GXYLT2: variants seen among roughly 807,000 people sequenced by gnomAD.
GXYLT2 encodes the protein glycosyltransferase 8 domain containing 4.
GXYLT2 carries 53 observed loss-of-function variants against 45.8 expected under a neutral mutation model. The observed-to-expected ratio is 1.16, with a 90% confidence interval of 0.93 to 1.46. GXYLT2 has a LOEUF of 1.46. GXYLT2 is among the 40% of genes most tolerant of loss of function. GXYLT2 has a pLI of 0.00. For synonymous variants in GXYLT2, 219 were observed against 214.2 expected (o/e 1.02, Z -0.19); for missense variants, 551 against 544.4 (o/e 1.01, Z -0.12).
rs533752688 is a variant in GXYLT2 at position 72,958,438 on chromosome 3, A to G, written c.976+1086A>G. Reference sequence around the variant, plus strand: ...CTTTGCCTGTGTTTGTTTGTATGTCACCCTTGGAACACATATTGTGTACCT... The same window carrying G: ...CTTTGCCTGTGTTTGTTTGTATGTCGCCCTTGGAACACATATTGTGTACCT... On this transcript the variant is annotated intron_variant, in intron 5 of 6. Transcript: ENST00000389617. Among the ~76,000 whole-genome samples the G allele has an allele frequency of 1.4e-4, 22 of 152,044 alleles. No homozygotes were observed. The South Asian group carries it at 3.9e-3, about 27-fold the overall frequency.
intron 3 of GXYLT2, chr3:72,929,280 G>C (rs1473857009): frequency 3.0e-6 from 4 of 1,347,298 alleles, no homozygotes; most frequent in Middle Eastern, 3.8e-4. Flanking sequence ...CGAGGTGGCC[G>C]AATCTTCCTT....
rs2107048936 is a variant in GXYLT2 at position 72,888,307 on chromosome 3, T to C, written c.74T>C (p.Leu25Pro). ...GCGCTGCTGCTGGCGCTGCTGTCCCTGCGCGCTGGCCGCGCTGAGCCCCCA... is the reference window on the plus strand; with the variant it reads ...GCGCTGCTGCTGGCGCTGCTGTCCCCGCGCGCTGGCCGCGCTGAGCCCCCA... Reference protein sequence around the residue: ...LAALLLALLSLRAGRAEPPAL... With the variant: ...LAALLLALLSPRAGRAEPPAL... The change falls in exon 1 of 7, where the codon CTG becomes CCG. Residue 25 changes from leucine (L) to proline (P), a missense_variant. Leu to Pro is a moderately conservative substitution (Grantham distance 98). Coordinates refer to ENST00000389617, the MANE Select transcript of GXYLT2 (RefSeq NM_001080393.2). The C allele has an allele frequency of 1.0e-6, 1 of 988,658 alleles. No homozygotes were observed. Among genetic ancestry groups the C allele is most frequent in the Non-Finnish European group, 1.2e-6 (1 of 834,388 alleles). 61.2% of individuals were successfully genotyped at this position (988,658 alleles called of 1,614,324 possible).
At chr3:72,912,562 A>C (rs35175107) in intron 2 of GXYLT2, among the ~76,000 whole-genome samples, 1 of 152,186 alleles carries the variant, frequency 6.6e-6, no homozygotes, top group African/African-American at 2.4e-5. Flanking sequence ...ACACAAACAT[A>C]TATGTATGTA....
At chr3:72,899,678 CTCT>C (rs1328470997) in intron 1 of GXYLT2, among the ~76,000 whole-genome samples, 1 of 152,128 alleles carries the variant, frequency 6.6e-6, no homozygotes, top group Non-Finnish European at 1.5e-5. Context: ...CATCGCCGGA[CTCT>C]TCTTCTAGGG....
At chr3:72,948,226 A>G (rs1710448684) in intron 3 of GXYLT2, among the ~76,000 whole-genome samples, 1 of 152,168 alleles carries the variant, frequency 6.6e-6, no homozygotes, top group South Asian at 2.1e-4. Context: ...GAGGATATAG[A>G]AGACCTTGAC....
At chr3:72,930,636 C>G (rs1197663540) in intron 3 of GXYLT2, among the ~76,000 whole-genome samples, 17 of 143,882 alleles carry the variant, frequency 1.2e-4, no homozygotes, top group Admixed American at 1.1e-3. Flanking sequence ...CTCTGTCACC[C>G]AGGCTAGAGT....
Position 72,975,137 on chromosome 3 carries a change from T to C in GXYLT2, c.1310T>C (p.Val437Ala). Reference sequence around the variant, plus strand: ...TATGAGAAACACGTCATCATCCATGTTGGCCCCAACCAGATGCACTGAATA... The same window carrying C: ...TATGAGAAACACGTCATCATCCATGCTGGCCCCAACCAGATGCACTGAATA... ...RAYEKHVIIHVGPNQMH is the reference protein window; with the variant it reads ...RAYEKHVIIHAGPNQMH The change falls in exon 7 of 7, where the codon GTT (valine) becomes GCT (alanine). Residue 437 changes from valine (V) to alanine (A), a missense_variant. Physicochemically the swap from Val to Ala is moderately conservative, Grantham distance 64 (BLOSUM62 0). Coordinates refer to ENST00000389617, the MANE Select transcript of GXYLT2 (RefSeq NM_001080393.2). 1 of 1,613,572 alleles carries C rather than the reference T, an allele frequency of 6.2e-7. No individual in the cohort carries two copies. The highest frequency in any genetic ancestry group is 8.5e-7 in the Non-Finnish European group (1 of 1,179,700).
intron 3 of GXYLT2, among the ~76,000 whole-genome samples, chr3:72,937,344 G>T (rs948816221): frequency 6.6e-6 from 1 of 152,166 alleles, no homozygotes; most frequent in African/African-American, 2.4e-5. Flanking sequence ...TTACTATGAG[G>T]TACAGTTGAA....
In GXYLT2 at chr3:72,888,226, G is replaced by C. The variant is rs1181630636; in HGVS notation, c.-8G>C. 6 of 989,570 alleles carry C rather than the reference G, an allele frequency of 6.1e-6. No homozygotes were observed. Among genetic ancestry groups the C allele is most frequent in the Non-Finnish European group, 7.2e-6 (6 of 835,542 alleles). The allele number at this position is 989,570 out of a possible 1,614,324, so 61.3% of individuals were successfully genotyped here. ...GCCTGGGGGCCGCCGCCGCCGCCGC[G>C]CCGCACCATGAAGCTCCGCAGCAAG... is the stretch of plus-strand genomic sequence containing the variant. On this transcript the variant is annotated 5_prime_UTR_variant, in exon 1 of 7. Coordinates refer to ENST00000389617, the MANE Select transcript of GXYLT2 (RefSeq NM_001080393.2).
At position 72,975,915 on chromosome 3, in the gene GXYLT2, T is replaced by A. The variant is rs1711090700; in HGVS notation, c.*756T>A. ...CATGTATCTGGGGGTATTTCTTCTT[T>A]TTCTTTCTTTCTTTTTTTTTTTTTT... On this transcript the variant is annotated 3_prime_UTR_variant, in exon 7 of 7. Transcript: ENST00000389617. 1 of 135,496 alleles carries A rather than the reference T, an allele frequency of 7.4e-6. No homozygotes were observed. The highest frequency in any genetic ancestry group is 1.5e-5 in the Non-Finnish European group (1 of 65,918). The allele number at this position is 135,496 out of a possible 1,614,324, so 8.4% of individuals were successfully genotyped here.
intron 1 of GXYLT2, among the ~76,000 whole-genome samples, chr3:72,902,668 CAAAATAAA>C (rs1276601896): frequency 6.6e-6 from 1 of 151,748 alleles, no homozygotes; most frequent in Non-Finnish European, 1.5e-5. Flanking sequence ...CCATCTCTAC[CAAAATAAA>C]TAAATAAATA....
chr3:72,955,485 G>A, intron 4 of GXYLT2, 136 bp downstream of exon 4: 1 of 703,220 alleles, frequency 1.4e-6, no homozygotes, highest in Non-Finnish European at 2.3e-6. Flanking sequence ...CCAGAGAAAA[G>A]TATTTAGAAA....
At chr3:72,964,389 C>T (rs868170398) in intron 5 of GXYLT2, among the ~76,000 whole-genome samples, 52 of 151,766 alleles carry the variant, frequency 3.4e-4, no homozygotes, top group African/African-American at 1.2e-3. Flanking sequence ...GTGGTGCGAT[C>T]TCGGCTCACC....
At chr3:72,949,502 CTTTTTTTTTTTTTT>C (rs56323434) in intron 3 of GXYLT2, among the ~76,000 whole-genome samples, 7 of 72,610 alleles carry the variant, frequency 9.6e-5, no homozygotes, top group Admixed American at 2.3e-4. Flanking sequence ...CTTTCTTTTT[CTTTTTTTTTTTTTT>C]TTTTTTTTTT....
intron 3 of GXYLT2, among the ~76,000 whole-genome samples, 185 bp from the exon 4 acceptor site, chr3:72,954,907 GACACTC>G (rs1710604849): frequency 6.6e-6 from 1 of 152,074 alleles, no homozygotes; most frequent in South Asian, 2.1e-4. Flanking sequence ...CCTCTTGATT[GACACTC>G]ATTCCTCAAG....
At chr3:72,891,518 G>A (rs1709182582) in intron 1 of GXYLT2, among the ~76,000 whole-genome samples, 1 of 152,134 alleles carries the variant, frequency 6.6e-6, no homozygotes, top group Non-Finnish European at 1.5e-5. Context: ...TAAATATAAA[G>A]CCAAGAGGTA....
chr3:72,958,148 C>G (rs900685640), intron 5 of GXYLT2, among the ~76,000 whole-genome samples: 1 of 151,840 alleles, frequency 6.6e-6, no homozygotes, highest in Non-Finnish European at 1.5e-5. Flanking sequence ...GTGGTAGGCA[C>G]CTGTAATCCC....
chr3:72,891,621 C>T (rs575862401), intron 1 of GXYLT2, among the ~76,000 whole-genome samples: 1 of 152,304 alleles, frequency 6.6e-6, no homozygotes, highest in South Asian at 2.1e-4. Flanking sequence ...ATGAAATCTT[C>T]CTTCTATTTT....
At chr3:72,950,717 A>T (rs1250686688) in intron 3 of GXYLT2, among the ~76,000 whole-genome samples, 1 of 152,162 alleles carries the variant, frequency 6.6e-6, no homozygotes, top group Non-Finnish European at 1.5e-5. Flanking sequence ...CAGATTTCAA[A>T]CCTAAAACTT....
Sources: gnomAD v4.1 joint callset for allele counts (sites outside exome capture counted in the v4.1 genomes callset) on GRCh38, gnomAD v4.1.1 for gene constraint, MANE v1.5 for transcripts, NCBI Gene and HGNC (gene_info 2026-07-23, HGNC 2026-07-21) for gene names.